EPN2: variants seen among roughly 807,000 people sequenced by gnomAD.
EPN2 encodes the protein epsin 2.
In EPN2, 34 loss-of-function variants were observed where a neutral mutation model predicts 61.7. That is an observed-to-expected ratio of 0.55 (90% CI 0.42 to 0.73). The LOEUF (loss-of-function observed/expected upper bound fraction) is 0.73, where lower values mean the gene tolerates loss of function less well. Ranked by LOEUF, EPN2 falls within the 30% of genes least tolerant of loss-of-function variation. The pLI is 0.00. For missense variants in EPN2, 714 were observed against 839.2 expected, an observed-to-expected ratio of 0.85 and a Z score of 1.84; for synonymous variants, 349 against 353.6, an observed-to-expected ratio of 0.99 and a Z score of 0.15.
At chr17:19,312,276 G>A (rs1906178992) in intron 6 of EPN2, 132 bp downstream of exon 6, 3 of 670,388 alleles carry the variant, frequency 4.5e-6, no homozygotes, top group Non-Finnish European at 5.3e-6. Flanking sequence ...CTTCATGCCT[G>A]TAGTGAGCGA....
At position 19,285,504 on chromosome 17, in the gene EPN2, G is replaced by A. The variant is rs2045395378; in HGVS notation, c.596-116G>A. ...CAGTGGGCTTTTCACAGCTTCCACC[G>A]CAGTGGGCTGCGGGGTTGACCCCGA... On this transcript the variant is annotated intron_variant, in intron 3 of 10. Coordinates refer to ENST00000314728, the MANE Select transcript of EPN2 (RefSeq NM_014964.5). The surrounding 1 kb of genome is among the most constrained non-coding windows in gnomAD (Gnocchi z 4.5). 4 of 1,339,982 alleles carry A rather than the reference G, an allele frequency of 3.0e-6. No homozygotes were observed. The highest frequency in any genetic ancestry group is 2.9e-6 in the Non-Finnish European group (3 of 1,044,192). The allele number at this position is 1,339,982 out of a possible 1,614,324, so 83.0% of individuals were successfully genotyped here.
At chr17:19,333,745 G>C (rs564730943) in intron 10 of EPN2, among the ~76,000 whole-genome samples, 1 of 152,304 alleles carries the variant, frequency 6.6e-6, no homozygotes, top group South Asian at 2.1e-4. Flanking sequence ...CAAATCACTT[G>C]GCTTCTCACA....
chr17:19,278,023 G>A (rs1269157240), intron 1 of EPN2, among the ~76,000 whole-genome samples: 1 of 143,430 alleles, frequency 7.0e-6, no homozygotes, highest in Non-Finnish European at 1.5e-5. Flanking sequence ...GCAGTGAGCC[G>A]AGATCACACC....
intron 1 of EPN2, among the ~76,000 whole-genome samples, chr17:19,256,364 T>C (rs574105100): frequency 5.4e-5 from 8 of 148,828 alleles, no homozygotes; most frequent in Non-Finnish European, 8.9e-5. Flanking sequence ...GAGGGGAGAA[T>C]TGCTTGAGAC....
chr17:19,310,060 A>G (rs1432646059), intron 5 of EPN2, 63 bp downstream of exon 5: 2 of 1,193,666 alleles, frequency 1.7e-6, no homozygotes, highest in Admixed American at 1.7e-5. Context: ...AGTGTGGCTC[A>G]CTGGGAAGAA....
chr17:19,335,652 C>T lies in EPN2; in HGVS notation c.*1398C>T. 1 of 429,026 alleles carries T rather than the reference C, an allele frequency of 2.3e-6. No individual in the cohort carries two copies. Among genetic ancestry groups the T allele is most frequent in the Middle Eastern group, 3.2e-4 (1 of 3,098 alleles). The allele number at this position is 429,026 out of a possible 1,614,324, so 26.6% of individuals were successfully genotyped here. Reference sequence around the variant, plus strand: ...CTAAGGGACCAGGGCTGGCCCTGATCCACCTACCTGCTAACTCCAGATATT... The same window carrying T: ...CTAAGGGACCAGGGCTGGCCCTGATTCACCTACCTGCTAACTCCAGATATT... On this transcript the variant is annotated 3_prime_UTR_variant, in exon 11 of 11. Coordinates refer to ENST00000314728, the MANE Select transcript of EPN2 (RefSeq NM_014964.5).
intron 1 of EPN2, among the ~76,000 whole-genome samples, chr17:19,256,131 G>A (rs1229827149): frequency 6.6e-6 from 1 of 151,864 alleles, no homozygotes; most frequent in Non-Finnish European, 1.5e-5. Flanking sequence ...TAGAGACGGG[G>A]TTTCACCATG....
intron 7 of EPN2, among the ~76,000 whole-genome samples, chr17:19,328,051 T>C (rs1223117705): frequency 1.3e-5 from 2 of 152,252 alleles, no homozygotes; most frequent in Non-Finnish European, 1.5e-5. Flanking sequence ...GTGTGTGTTT[T>C]TTCTTTTTTT....
At chr17:19,296,775 A>G (rs570824619) in intron 4 of EPN2, 1 of 152,222 alleles carries the variant, frequency 6.6e-6, no homozygotes, top group African/African-American at 2.4e-5. Context: ...CACGCAGCCG[A>G]ATTTTTAATT....
intron 1 of EPN2, among the ~76,000 whole-genome samples, chr17:19,244,304 C>T (rs1299505380): frequency 6.6e-6 from 1 of 151,974 alleles, no homozygotes; most frequent in Non-Finnish European, 1.5e-5. Flanking sequence ...ACTAAAAATA[C>T]AAAAATGAGC....
intron 4 of EPN2, among the ~76,000 whole-genome samples, chr17:19,291,274 A>G (rs1262431280): frequency 6.6e-6 from 1 of 152,146 alleles, no homozygotes; most frequent in Non-Finnish European, 1.5e-5. Context: ...GGCCGTGATC[A>G]TTGTCCTGCG....
At chr17:19,242,231 GT>G (rs1364020191) in intron 1 of EPN2, among the ~76,000 whole-genome samples, 1 of 151,666 alleles carries the variant, frequency 6.6e-6, no homozygotes, top group Non-Finnish European at 1.5e-5. Context: ...GAGGCCTAGA[GT>G]TTTTGAGACG....
At chr17:19,277,608 G>A (rs1230120060) in intron 1 of EPN2, among the ~76,000 whole-genome samples, 2 of 152,126 alleles carry the variant, frequency 1.3e-5, no homozygotes, top group Non-Finnish European at 2.9e-5. Context: ...GTGTGTCAAA[G>A]TATTGGAAGT....
intron 1 of EPN2, chr17:19,276,686 A>G (rs2045308652): frequency 6.6e-6 from 1 of 151,760 alleles, no homozygotes; most frequent in African/African-American, 2.4e-5. Flanking sequence ...GTAATAACTG[A>G]TGATATGATG....
At chr17:19,259,479 A>AGG (rs2045117213) in intron 1 of EPN2, among the ~76,000 whole-genome samples, 1 of 151,742 alleles carries the variant, frequency 6.6e-6, no homozygotes, top group Non-Finnish European at 1.5e-5. Flanking sequence ...CGCCTGGCTA[A>AGG]CTTTTTGTAT....
intron 4 of EPN2, among the ~76,000 whole-genome samples, chr17:19,294,600 G>A (rs1567857889): frequency 6.6e-6 from 1 of 152,228 alleles, no homozygotes; most frequent in African/African-American, 2.4e-5. Context: ...CTTTAAGGTT[G>A]AGTTTAGCAA....
intron 10 of EPN2, among the ~76,000 whole-genome samples, chr17:19,332,272 G>A (rs1162659221): frequency 3.4e-4 from 51 of 152,052 alleles, no homozygotes; most frequent in Admixed American, 3.3e-3. Context: ...TGTATGGGTA[G>A]GAAATAGCTC....
At chr17:19,279,421 C>G (rs1257254538) in intron 1 of EPN2, among the ~76,000 whole-genome samples, 1 of 152,036 alleles carries the variant, frequency 6.6e-6, no homozygotes, top group Admixed American at 6.5e-5. Flanking sequence ...TTGTTTCTCA[C>G]TTAGGAAAGT....
chr17:19,267,837 G>A (rs566871596), intron 1 of EPN2, among the ~76,000 whole-genome samples: 67 of 152,266 alleles, frequency 4.4e-4, no homozygotes, highest in African/African-American at 1.3e-3. Flanking sequence ...CACCGCGTCC[G>A]GCCAATCAGC....
Sources: gnomAD v4.1 joint callset for allele counts (sites outside exome capture counted in the v4.1 genomes callset) on GRCh38, gnomAD v4.1.1 for gene constraint, Gnocchi (gnomAD v3.1) non-coding constraint, MANE v1.5 for transcripts, NCBI Gene and HGNC (gene_info 2026-07-23, HGNC 2026-07-21) for gene names.